PCDH11Y: variants seen among roughly 807,000 people sequenced by gnomAD.
PCDH11Y encodes the protein protocadherin-11 Y-linked.
For missense variants in PCDH11Y, 12 were observed against 224.8 expected (o/e 0.05, Z 6.05); for synonymous variants, 9 against 83.6 (o/e 0.11, Z 4.87).
At chrY:5,303,869 A>G in intron 2 of PCDH11Y, among the ~76,000 whole-genome samples, 1 of 33,508 alleles carries the variant, frequency 3.0e-5, no homozygotes, top group Admixed American at 2.8e-4. Context: ...CACAATCAAT[A>G]TTCATGAAGC....
chrY:5,012,486 G>C, intron 1 of PCDH11Y, among the ~76,000 whole-genome samples: 1 of 29,390 alleles, frequency 3.4e-5, no homozygotes, highest in Non-Finnish European at 8.1e-5. Flanking sequence ...AACAGCAAGG[G>C]GAAAATCCAC....
chrY:5,215,117 G>A (rs35587996), intron 2 of PCDH11Y, among the ~76,000 whole-genome samples: 1 of 32,707 alleles, frequency 3.1e-5, no homozygotes, highest in Non-Finnish European at 7.4e-5. Flanking sequence ...TCAGAATTTT[G>A]TTATGAAACT....
chrY:5,320,201 C>G, intron 2 of PCDH11Y, among the ~76,000 whole-genome samples: 1 of 33,288 alleles, frequency 3.0e-5, no homozygotes, highest in Non-Finnish European at 7.4e-5. Context: ...AGAAAGTCAC[C>G]AAAGATACAG....
chrY:5,104,273 C>A, downstream of PCDH11Y: 1 of 382,405 alleles, frequency 2.6e-6, no homozygotes, highest in Non-Finnish European at 3.6e-6. Context: ...AACCATGAAG[C>A]ATGCTTGGCA....
At chrY:5,073,985 A>G (rs2124631108) in intron 1 of PCDH11Y, among the ~76,000 whole-genome samples, 5 of 32,887 alleles carry the variant, frequency 1.5e-4, no homozygotes, top group South Asian at 6.8e-4. Flanking sequence ...TAAAATTTCT[A>G]TTGGGGTACA....
At position 5,069,621 on chromosome Y, in the gene PCDH11Y, G is replaced by GTT. The variant is rs2052696072; in HGVS notation, c.636+12173_636+12174dup. Among the ~76,000 whole-genome samples, 9 of 26,975 alleles carry GTT rather than the reference G, an allele frequency of 3.3e-4. No homozygotes were observed. In the East Asian group the frequency reaches 9.3e-3, roughly 28 times the overall value. The allele number at this position is 26,975 out of a possible 37,273, so 72.4% of individuals were successfully genotyped here. On this transcript the variant is annotated intron_variant, in intron 1 of 1. Transcript: ENST00000215473. ...TTTGTAAGAGAGGAATTTTTTTTTTGTTTTTTTTTTTTCTTGAGACAGAGT... is the reference window on the plus strand; with the variant it reads ...TTTGTAAGAGAGGAATTTTTTTTTTGTTTTTTTTTTTTTTCTTGAGACAGAGT...
intron 4 of PCDH11Y, among the ~76,000 whole-genome samples, chrY:5,599,768 C>A: frequency 3.0e-5 from 1 of 33,245 alleles, no homozygotes; most frequent in Non-Finnish European, 7.4e-5. Flanking sequence ...TCGCTGTATC[C>A]ATTCCATATA....
chrY:5,323,802 G>A (rs2053115812), intron 2 of PCDH11Y, among the ~76,000 whole-genome samples: 40 of 33,027 alleles, frequency 1.2e-3, no homozygotes, highest in African/African-American at 4.0e-3. Context: ...CTGTATTTGC[G>A]TGGAAATGAA....
chrY:5,234,891 A>G, intron 2 of PCDH11Y, among the ~76,000 whole-genome samples: 1 of 31,374 alleles, frequency 3.2e-5, no homozygotes, highest in African/African-American at 1.3e-4. Context: ...AGTGAAGCCA[A>G]TTACAGAAAT....
chrY:5,037,992 G>A (rs2052602029), intron 3 of PCDH11Y, among the ~76,000 whole-genome samples: 1 of 32,611 alleles, frequency 3.1e-5, no homozygotes, highest in African/African-American at 1.2e-4. Context: ...AATACGAAAA[G>A]TGTTAAATCG....
intron 2 of PCDH11Y, among the ~76,000 whole-genome samples, chrY:5,392,262 T>C (rs2053222037): frequency 3.5e-5 from 1 of 28,480 alleles, no homozygotes; most frequent in Non-Finnish European, 8.2e-5. Context: ...CCCAGCTACT[T>C]GGGAGGCTGA....
chrY:5,409,886 C>T (rs4030044), intron 2 of PCDH11Y, among the ~76,000 whole-genome samples: 1 of 26,509 alleles, frequency 3.8e-5, no homozygotes, highest in Non-Finnish European at 9.9e-5. Flanking sequence ...TCCTGGTCTT[C>T]GTGAGAAAGC....
At chrY:5,732,515 T>C (rs2053605518) in intron 4 of PCDH11Y, among the ~76,000 whole-genome samples, 1 of 33,018 alleles carries the variant, frequency 3.0e-5, no homozygotes, top group Admixed American at 2.8e-4. Flanking sequence ...GGTTCGTTTG[T>C]ATGTGATCTG....
At chrY:5,430,740 T>C (rs2053268076) in intron 2 of PCDH11Y, among the ~76,000 whole-genome samples, 1 of 32,830 alleles carries the variant, frequency 3.0e-5, no homozygotes, top group South Asian at 6.9e-4. Flanking sequence ...GACCCTATTA[T>C]GAAATTATGA....
intron 2 of PCDH11Y, among the ~76,000 whole-genome samples, chrY:5,156,167 G>A: frequency 3.4e-5 from 1 of 29,068 alleles, no homozygotes; most frequent in East Asian, 9.5e-4. Flanking sequence ...GTGTGAGTGT[G>A]TGTGTGTGTG....
chrY:5,572,080 C>T (rs2053439930), intron 3 of PCDH11Y, among the ~76,000 whole-genome samples: 1 of 32,981 alleles, frequency 3.0e-5, no homozygotes, highest in African/African-American at 1.2e-4. Flanking sequence ...TTTTTTTTAG[C>T]TGCCATATAT....
chrY:5,520,698 CAA>C (rs2053379878), intron 3 of PCDH11Y, among the ~76,000 whole-genome samples: 2 of 29,709 alleles, frequency 6.7e-5, no homozygotes, highest in Non-Finnish European at 1.6e-4. Context: ...CTAAGTAGTA[CAA>C]GAGAGTTGTT....
intron 2 of PCDH11Y, among the ~76,000 whole-genome samples, chrY:5,211,386 C>T: frequency 3.2e-5 from 1 of 31,490 alleles, no homozygotes; most frequent in African/African-American, 1.3e-4. Context: ...GCCAAGGTCA[C>T]TTTTGCTATG....
At chrY:5,442,226 T>C in intron 2 of PCDH11Y, among the ~76,000 whole-genome samples, 1 of 32,318 alleles carries the variant, frequency 3.1e-5, no homozygotes, top group Non-Finnish European at 7.6e-5. Flanking sequence ...TCTCAACATA[T>C]CATACATAAA....
Sources: gnomAD v4.1 joint callset for allele counts (sites outside exome capture counted in the v4.1 genomes callset) on GRCh38, gnomAD v4.1.1 for gene constraint, MANE v1.5 for transcripts, NCBI Gene and HGNC (gene_info 2026-07-23, HGNC 2026-07-21) for gene names.